CADM2: variants seen among roughly 807,000 people sequenced by gnomAD.
The protein encoded by CADM2 is cell adhesion molecule 2.
A neutral mutation model predicts 49.8 loss-of-function variants in CADM2; 12 were observed. The observed-to-expected ratio is 0.24, with a 90% confidence interval of 0.15 to 0.39. The LOEUF is 0.39. Ranked by LOEUF, CADM2 falls within the 10% of genes least tolerant of loss-of-function variation. CADM2 has a pLI of 1.00. For missense variants in CADM2, 378 were observed against 492.3 expected, an observed-to-expected ratio of 0.77 and a Z score of 2.20; for synonymous variants, 214 against 175.4, an observed-to-expected ratio of 1.22 and a Z score of -1.74.
At chr3:85,757,415 C>T (rs752417877) in intron 2 of CADM2, among the ~76,000 whole-genome samples, 3 of 151,924 alleles carry the variant, frequency 2.0e-5, no homozygotes, top group African/African-American at 7.3e-5. Context: ...AGTCCCAATA[C>T]TTTAATTTTT....
intron 1 of CADM2, among the ~76,000 whole-genome samples, chr3:85,584,214 A>G (rs1424274898): frequency 1.3e-5 from 2 of 152,058 alleles, no homozygotes; most frequent in African/African-American, 2.4e-5. Flanking sequence ...TAAGAGCCTC[A>G]CATTTTAAAT....
chr3:85,791,724 G>A (rs910474476), intron 2 of CADM2, among the ~76,000 whole-genome samples: 1 of 151,912 alleles, frequency 6.6e-6, no homozygotes, highest in Non-Finnish European at 1.5e-5. Flanking sequence ...GTTGTTGTTT[G>A]TTTGTTTGTT....
At chr3:85,342,108 A>G (rs567237674) in intron 1 of CADM2, among the ~76,000 whole-genome samples, 1 of 152,278 alleles carries the variant, frequency 6.6e-6, no homozygotes, top group East Asian at 1.9e-4. Context: ...TTTGCAATCT[A>G]TCCATCTGAC....
At chr3:85,335,422 T>A (rs1231790376) in intron 1 of CADM2, among the ~76,000 whole-genome samples, 1 of 151,578 alleles carries the variant, frequency 6.6e-6, no homozygotes, top group Non-Finnish European at 1.5e-5. Context: ...TTCTTCTTTT[T>A]TGTATTTATG....
intron 1 of CADM2, among the ~76,000 whole-genome samples, chr3:85,140,207 T>C (rs1166425701): frequency 2.6e-5 from 4 of 152,198 alleles, no homozygotes; most frequent in African/African-American, 9.6e-5. Flanking sequence ...ACAGTTACTA[T>C]ATATTTTTAT....
intron 8 of CADM2, among the ~76,000 whole-genome samples, chr3:86,041,732 T>C (rs2107246633): frequency 6.6e-6 from 1 of 152,266 alleles, no homozygotes; most frequent in African/African-American, 2.4e-5. Context: ...CAAGGGGACA[T>C]AATAGACATC....
At chr3:84,996,123 G>A (rs538739715) in intron 1 of CADM2, among the ~76,000 whole-genome samples, 31 of 152,190 alleles carry the variant, frequency 2.0e-4, no homozygotes, top group African/African-American at 7.0e-4. Flanking sequence ...CATGAGTCCA[G>A]GGTTTCAGAT....
chr3:85,769,503 GTA>G lies in CADM2; in HGVS notation c.89-32537_89-32536del, dbSNP rs1491327673. Among the ~76,000 whole-genome samples, 4 of 26,340 alleles carry G rather than the reference GTA, an allele frequency of 1.5e-4. 1 individual carries two copies. In the East Asian group the frequency reaches 4.8e-3, roughly 32 times the overall value. 17.3% of individuals were successfully genotyped at this position (26,340 alleles called of 152,430 possible). A position where few individuals can be genotyped will look rare whatever the true frequency, so the allele number is the denominator to read the frequency against. On this transcript the variant is annotated intron_variant, in intron 2 of 9. Transcript: ENST00000383699. ...CACGTATATACATATATACATATAT[GTA>G]TATATACACGTATATACATATATGT...
In CADM2 at chr3:86,069,838, T is replaced by C. The variant is rs1195929399; in HGVS notation, c.*3055T>C. On this transcript the variant is annotated 3_prime_UTR_variant, in exon 10 of 10. Coordinates refer to ENST00000383699, the MANE Select transcript of CADM2 (RefSeq NM_001167675.2). ...TAAGCGGCATTTTACTTTTCTTTTC[T>C]TTTTTATTTTCCATTTTTGGGTGTT... is the stretch of plus-strand genomic sequence containing the variant. 2.0e-5 allele frequency: 3 copies of C among 152,064 alleles called. No individual in the cohort carries two copies. The highest frequency in any genetic ancestry group is 4.4e-5 in the Non-Finnish European group (3 of 67,906). 9.4% of individuals were successfully genotyped at this position (152,064 alleles called of 1,614,324 possible). A position where few individuals can be genotyped will look rare whatever the true frequency, so the allele number is the denominator to read the frequency against.
At chr3:85,606,379 T>C (rs1461065285) in intron 1 of CADM2, among the ~76,000 whole-genome samples, 1 of 152,172 alleles carries the variant, frequency 6.6e-6, no homozygotes, top group Non-Finnish European at 1.5e-5. Flanking sequence ...AACTGGAATC[T>C]AATAATTGCA....
At chr3:85,034,449 A>G (rs549562099) in intron 1 of CADM2, among the ~76,000 whole-genome samples, 1 of 152,276 alleles carries the variant, frequency 6.6e-6, no homozygotes, top group Non-Finnish European at 1.5e-5. Flanking sequence ...TTACGGCTAA[A>G]TAGTACTGTC....
rs115204437 is a variant in CADM2 at position 85,479,784 on chromosome 3, T to C, written c.62-246738T>C. ...AGTAACTCACTTAAGAATACTTTAA[T>C]GGGAACCTTGACTCCTAAACTTTGG... On this transcript the variant is annotated intron_variant, in intron 1 of 9. Transcript: ENST00000383699. Among the ~76,000 whole-genome samples the C allele has an allele frequency of 8.6e-3, 1,313 of 152,056 alleles. 23 individuals carry two copies. The highest frequency in any genetic ancestry group is 0.03 in the African/African-American group (1,266 of 41,526).
At chr3:85,584,132 G>C (rs72909301) in intron 1 of CADM2, among the ~76,000 whole-genome samples, 3,160 of 151,972 alleles carry the variant, frequency 0.021, 106 homozygotes, top group African/African-American at 0.071. Flanking sequence ...TAGCTTTATG[G>C]TCATCTAGCT....
At chr3:85,090,603 C>T (rs2037558744) in intron 1 of CADM2, among the ~76,000 whole-genome samples, 1 of 152,164 alleles carries the variant, frequency 6.6e-6, no homozygotes, top group South Asian at 2.1e-4. Context: ...GAACCGTTAA[C>T]ATTTGATCTG....
intron 2 of CADM2, 40 bp from the exon 3 acceptor site, chr3:85,802,007 G>T: frequency 1.4e-6 from 2 of 1,383,980 alleles, no homozygotes; most frequent in African/African-American, 1.8e-5. Flanking sequence ...ATCATTTTAT[G>T]ACTTTCATTT....
At chr3:85,540,751 T>C (rs2061519177) in intron 1 of CADM2, among the ~76,000 whole-genome samples, 3 of 152,172 alleles carry the variant, frequency 2.0e-5, no homozygotes. Context: ...TACCACATAC[T>C]GGATAACTTA....
At chr3:85,540,020 G>T (rs1158034656) in intron 1 of CADM2, among the ~76,000 whole-genome samples, 1 of 152,036 alleles carries the variant, frequency 6.6e-6, no homozygotes, top group African/African-American at 2.4e-5. Flanking sequence ...GTAAAAGAGA[G>T]ACCAGAGCCC....
At chr3:84,986,535 G>T (rs1250648577) in intron 1 of CADM2, among the ~76,000 whole-genome samples, 2 of 151,948 alleles carry the variant, frequency 1.3e-5, no homozygotes, top group African/African-American at 4.8e-5. Flanking sequence ...ATTGGGAGAA[G>T]GATAAAAAAC....
In CADM2 at chr3:85,256,504, A is replaced by G. The variant is rs1188509386; in HGVS notation, c.61+296836A>G. Reference sequence around the variant, plus strand: ...TGAGGCCAAAGGGCGAAGCTAAACCAATAGAAAATGAATTTATTTTTTTGG... The same window carrying G: ...TGAGGCCAAAGGGCGAAGCTAAACCGATAGAAAATGAATTTATTTTTTTGG... On this transcript the variant is annotated intron_variant, in intron 1 of 9. Transcript: ENST00000383699. Among the ~76,000 whole-genome samples the G allele has an allele frequency of 3.3e-5, 5 of 152,262 alleles. No homozygotes were observed. In the South Asian group the frequency reaches 1.0e-3, roughly 32 times the overall value.
Sources: gnomAD v4.1 joint callset for allele counts (sites outside exome capture counted in the v4.1 genomes callset) on GRCh38, gnomAD v4.1.1 for gene constraint, MANE v1.5 for transcripts, NCBI Gene and HGNC (gene_info 2026-07-23, HGNC 2026-07-21) for gene names.